The following TACC2 variants were observed in gnomAD, a reference collection of about 807,000 sequenced individuals.
The protein encoded by TACC2 is transforming acidic coiled-coil-containing protein 2.
In TACC2, 137 loss-of-function variants were observed where a neutral mutation model predicts 227.3. That is an observed-to-expected ratio of 0.60 (90% CI 0.52 to 0.69). The LOEUF (loss-of-function observed/expected upper bound fraction) is 0.69. TACC2 is among the 30% of genes least tolerant of loss of function. The probability of loss-of-function intolerance (pLI) is 0.00; values close to 1 mark genes in which losing one functional copy is unlikely to be tolerated. For synonymous variants in TACC2, 1,523 were observed against 1,487.5 expected (o/e 1.02, Z -0.55); for missense variants, 3,470 against 3,694.4 (o/e 0.94, Z 1.57).
At chr10:122,075,200 A>AAAAAAAAAAAAAAG (rs1554997870) in intron 3 of TACC2, among the ~76,000 whole-genome samples, 1 of 122,374 alleles carries the variant, frequency 8.2e-6, no homozygotes, top group African/African-American at 2.8e-5. Context: ...AAAAAAAAAA[A>AAAAAAAAAAAAAAG]AAAGAAAGAA....
intron 18 of TACC2, among the ~76,000 whole-genome samples, chr10:122,239,183 A>G (rs1172703960): frequency 6.6e-6 from 1 of 151,848 alleles, no homozygotes. Context: ...TTTGTTTTGT[A>G]TTTTTAGTAG....
At chr10:122,001,072 C>A (rs1054619908) in intron 1 of TACC2, among the ~76,000 whole-genome samples, 1 of 152,248 alleles carries the variant, frequency 6.6e-6, no homozygotes, top group East Asian at 1.9e-4. Flanking sequence ...ATCCACCTGC[C>A]GTGGCTTCCC....
At chr10:122,117,191 CTTT>C (rs71482688) in intron 5 of TACC2, among the ~76,000 whole-genome samples, 2 of 129,814 alleles carry the variant, frequency 1.5e-5, no homozygotes, top group Non-Finnish European at 3.2e-5. Context: ...TCTTAGAAAT[CTTT>C]TTTTTTTTTT....
chr10:122,120,083 AAG>A (rs2085443356), intron 5 of TACC2, among the ~76,000 whole-genome samples: 1 of 152,144 alleles, frequency 6.6e-6, no homozygotes, highest in Admixed American at 6.5e-5. Context: ...GTCCAATTTT[AAG>A]AGGTGATTAA....
At chr10:122,049,249 G>A (rs2075398873) in intron 2 of TACC2, among the ~76,000 whole-genome samples, 1 of 152,240 alleles carries the variant, frequency 6.6e-6, no homozygotes, top group African/African-American at 2.4e-5. Context: ...GGCCCCAGCA[G>A]GGCTGCTCCC....
At chr10:122,131,882 C>T (rs1394515644) in intron 5 of TACC2, among the ~76,000 whole-genome samples, 5 of 151,810 alleles carry the variant, frequency 3.3e-5, no homozygotes, top group South Asian at 2.1e-4. Context: ...ATTAGCCAGG[C>T]GTGGTGGTGG....
intron 11 of TACC2, 32 bp downstream of exon 11, chr10:122,216,860 C>T (rs1377104806): frequency 6.2e-7 from 1 of 1,614,192 alleles, no homozygotes; most frequent in South Asian, 1.1e-5. Context: ...TGGACCCCCA[C>T]TCTGCCTCGG....
At chr10:122,191,623 G>A (rs1042567426) in intron 7 of TACC2, among the ~76,000 whole-genome samples, 5 of 152,208 alleles carry the variant, frequency 3.3e-5, no homozygotes, top group African/African-American at 1.2e-4. Context: ...ATAGGCCGTG[G>A]GTTGGACAAG....
At chr10:122,144,941 G>A (rs2091170774) in intron 7 of TACC2, among the ~76,000 whole-genome samples, 1 of 152,192 alleles carries the variant, frequency 6.6e-6, no homozygotes, top group Admixed American at 6.5e-5. Flanking sequence ...CAAGGACAAG[G>A]AAATGTATGG....
chr10:122,216,748 A>G lies in TACC2; in HGVS notation c.7466A>G (p.Glu2489Gly). 1 of 1,614,146 alleles carries G rather than the reference A, an allele frequency of 6.2e-7. No homozygotes were observed. The change falls in exon 11 of 23, where the codon GAG becomes GGG. Residue 2489 changes from glutamate (E) to glycine (G), a missense_variant. By Grantham distance (98) the Glu-to-Gly change is moderately conservative (BLOSUM62 -2). This residue lies in a region of TACC2 where 345 missense variants were observed against 354.4 expected (regional missense o/e 0.97). Coordinates refer to ENST00000369005, the MANE Select transcript of TACC2 (RefSeq NM_206862.4). ...TGGACGTGCATGACAGTGGACCTAG[A>G]GGCTGACAAACAGGACTACCCGCAG... is the stretch of plus-strand genomic sequence containing the variant. Reference protein sequence around the residue: ...QKWTCMTVDLEADKQDYPQPS... With the variant: ...QKWTCMTVDLGADKQDYPQPS...
intron 7 of TACC2, among the ~76,000 whole-genome samples, chr10:122,179,529 T>C (rs1047746653): frequency 2.6e-5 from 4 of 152,222 alleles, no homozygotes; most frequent in African/African-American, 9.7e-5. Flanking sequence ...CTTTAACCCC[T>C]ACTTTTATGT....
At chr10:122,097,291 T>C (rs2081554673) in intron 5 of TACC2, among the ~76,000 whole-genome samples, 1 of 152,156 alleles carries the variant, frequency 6.6e-6, no homozygotes, top group Non-Finnish European at 1.5e-5. Context: ...GTCATACCAC[T>C]GTACTCCTGG....
At chr10:122,201,961 CT>C (rs1405055340) in intron 8 of TACC2, among the ~76,000 whole-genome samples, 1 of 147,966 alleles carries the variant, frequency 6.8e-6, no homozygotes, top group Non-Finnish European at 1.5e-5. Flanking sequence ...AAACTGACCT[CT>C]TTTGAATCTG....
chr10:122,226,473 G>A lies in TACC2; in HGVS notation c.7716G>A (p.Pro2572=), dbSNP rs771598263. The part of the protein sequence containing the change: ...SPVRMSESPT[P]CSGSSFEETE... ...TCCGCATGTCAGAGTCCCCGACGCCGTGTTCAGGGTATGACTTCCATGATG... is the reference window on the plus strand; with the variant it reads ...TCCGCATGTCAGAGTCCCCGACGCCATGTTCAGGGTATGACTTCCATGATG... The change falls in exon 13 of 23, where the codon CCG becomes CCA. Residue 2572 remains proline (P), a synonymous_variant. Transcript: ENST00000369005. The A allele has an allele frequency of 2.7e-5, 44 of 1,611,340 alleles. No individual in the cohort carries two copies. In the Admixed American group the frequency reaches 6.7e-4, roughly 24 times the overall value.
chr10:122,032,829 T>C (rs1035933045), intron 2 of TACC2, among the ~76,000 whole-genome samples: 19 of 152,148 alleles, frequency 1.2e-4, no homozygotes, highest in Admixed American at 3.9e-4. Flanking sequence ...CGTGGTGGCA[T>C]GCACCTGTAA....
intron 2 of TACC2, 79 bp downstream of exon 2, chr10:122,022,093 A>C: frequency 7.6e-6 from 11 of 1,446,706 alleles, no homozygotes; most frequent in South Asian, 1.2e-5. Flanking sequence ...ACAGCGTCTC[A>C]TCTTCACCCA....
Position 122,205,535 on chromosome 10 carries a change from A to C in TACC2, c.5972-4862A>C, listed in dbSNP as rs1281432718. Among the ~76,000 whole-genome samples the C allele has an allele frequency of 6.6e-6, 1 of 152,204 alleles. No homozygotes were observed. The highest frequency in any genetic ancestry group is 2.4e-5 in the African/African-American group (1 of 41,458). On this transcript the variant is annotated intron_variant, in intron 8 of 22. Transcript: ENST00000369005. The surrounding 1 kb of genome is among the most constrained non-coding windows in gnomAD (Gnocchi z 4.5). ...CAAAGCTGACTCATTTTTGTGGCCA[A>C]ATACTAAAGTGTTACCCACTGGAGG...
At chr10:122,138,251 T>C (rs1057068533) in intron 6 of TACC2, among the ~76,000 whole-genome samples, 2 of 152,238 alleles carry the variant, frequency 1.3e-5, no homozygotes, top group Admixed American at 6.5e-5. Context: ...GGCTTATGCC[T>C]GTAATCCCAG....
At position 122,241,960 on chromosome 10, in the gene TACC2, A is replaced by T; in HGVS notation, c.8351A>T (p.Lys2784Ile). ...ESRREVMEMR[K>I]IVAEYEKTIA... ...ACGTGTCTTTACTTCTCTTATAGGA[A>T]AATAGTGGCCGAGTATGAGAAGACC... is the stretch of plus-strand genomic sequence containing the variant. The change falls in exon 19 of 23, where the codon AAA becomes ATA. Residue 2784 changes from lysine (K) to isoleucine (I), a missense_variant and splice_region_variant. This residue lies in a region of TACC2 where 65 missense variants were observed against 119.3 expected (regional missense o/e 0.54). Transcript: ENST00000369005. 1 of 1,614,166 alleles carries T rather than the reference A, an allele frequency of 6.2e-7. No individual in the cohort carries two copies. The highest frequency in any genetic ancestry group is 2.2e-5 in the East Asian group (1 of 44,884).
Sources: gnomAD v4.1 joint callset for allele counts (sites outside exome capture counted in the v4.1 genomes callset) on GRCh38, gnomAD v4.1.1 for gene constraint, gnomAD v4.1.1 regional missense constraint, Gnocchi (gnomAD v3.1) non-coding constraint, MANE v1.5 for transcripts, NCBI Gene and HGNC (gene_info 2026-07-23, HGNC 2026-07-21) for gene names.